Variants in MBD2 observed in about 807,000 individuals in gnomAD.
The protein encoded by MBD2 is methyl-CpG-binding domain protein 2.
Under a neutral mutation model 39.3 loss-of-function variants are expected in MBD2, and 9 were observed. That is an observed-to-expected ratio of 0.23 (90% confidence interval 0.14 to 0.40). MBD2 has a LOEUF of 0.40. Ranked by LOEUF, MBD2 falls within the 10% of genes least tolerant of loss-of-function variation. The pLI is 1.00. For missense variants in MBD2, 458 were observed against 532.6 expected, an observed-to-expected ratio of 0.86 and a Z score of 1.38; for synonymous variants, 233 against 211.1, an observed-to-expected ratio of 1.10 and a Z score of -0.90.
chr18:54,167,036 A>G (rs2086138720), intron 3 of MBD2, among the ~76,000 whole-genome samples: 1 of 152,200 alleles, frequency 6.6e-6, no homozygotes, highest in South Asian at 2.1e-4. Context: ...TAAGAGAGAC[A>G]ATGTCACTGT....
chr18:54,224,437 G>C lies in MBD2; in HGVS notation c.123C>G (p.Leu41=). The change falls in exon 1 of 7, where the codon CTC becomes CTG. Residue 41 remains leucine, a synonymous_variant. Coordinates refer to ENST00000256429, the MANE Select transcript of MBD2 (RefSeq NM_003927.5). ...AIEQGGQGSA[L]APSPVSGVRR... Reference sequence around the variant, plus strand: ...GCACGCCGCTCACCGGGGACGGGGCGAGCGCGCTGCCCTGGCCCCCCTGCT... The same window carrying C: ...GCACGCCGCTCACCGGGGACGGGGCCAGCGCGCTGCCCTGGCCCCCCTGCT... The C allele has an allele frequency of 8.1e-7, 1 of 1,242,006 alleles. No individual in the cohort carries two copies. The highest frequency in any genetic ancestry group is 1.0e-6 in the Non-Finnish European group (1 of 996,554). The allele number at this position is 1,242,006 out of a possible 1,614,324, so 76.9% of individuals were successfully genotyped here.
At chr18:54,210,864 CTATTTTTTTTTT>C (rs1014745295) in intron 1 of MBD2, among the ~76,000 whole-genome samples, 1 of 137,668 alleles carries the variant, frequency 7.3e-6, no homozygotes, top group Non-Finnish European at 1.5e-5. Context: ...CATCAACTTT[CTATTTTTTTTTT>C]TTTTTTTTTT....
At chr18:54,211,413 A>ACACACACACG (rs1431910762) in intron 1 of MBD2, among the ~76,000 whole-genome samples, 11 of 149,712 alleles carry the variant, frequency 7.3e-5, no homozygotes, top group Non-Finnish European at 1.5e-4. Flanking sequence ...ACACACACAC[A>ACACACACACG]CGCACACACG....
At chr18:54,190,126 T>C (rs1049461068) in intron 2 of MBD2, among the ~76,000 whole-genome samples, 1 of 152,208 alleles carries the variant, frequency 6.6e-6, no homozygotes, top group African/African-American at 2.4e-5. Flanking sequence ...GTACAAATGG[T>C]AGTTCTAATT....
chr18:54,179,141 G>C (rs1299810717), intron 3 of MBD2, among the ~76,000 whole-genome samples: 3 of 152,062 alleles, frequency 2.0e-5, no homozygotes, highest in Non-Finnish European at 4.4e-5. Flanking sequence ...AGTGAGCTGT[G>C]ATCACACCAT....
At chr18:54,170,966 T>C (rs1568080696) in intron 3 of MBD2, among the ~76,000 whole-genome samples, 2 of 152,136 alleles carry the variant, frequency 1.3e-5, no homozygotes, top group Admixed American at 1.3e-4. Context: ...ATTTTAAAAA[T>C]ATATTCCAAG....
At chr18:54,166,909 T>C (rs1232118191) in intron 3 of MBD2, among the ~76,000 whole-genome samples, 1 of 152,222 alleles carries the variant, frequency 6.6e-6, no homozygotes, top group Non-Finnish European at 1.5e-5. Context: ...TTATATCCTT[T>C]TCATATTTGA....
rs1452604733 is a variant in MBD2, at chr18:54,155,226, T to G, written c.*98A>C. On this transcript the variant is annotated 3_prime_UTR_variant, in exon 7 of 7. Coordinates refer to ENST00000256429, the MANE Select transcript of MBD2 (RefSeq NM_003927.5). ...AAAAGCTCTATGTGCTCGGGTACAT[T>G]TTTTTTCTTACAGGCAAAAGCCAGT... The G allele has an allele frequency of 6.6e-6, 1 of 152,188 alleles. No individual in the cohort carries two copies. Among genetic ancestry groups the G allele is most frequent in the African/African-American group, 2.4e-5 (1 of 41,394 alleles). The allele number at this position is 152,188 out of a possible 1,614,324, so 9.4% of individuals were successfully genotyped here.
Position 54,190,216 on chromosome 18 carries a change from T to C in MBD2, c.703-1205A>G, listed in dbSNP as rs142686152. ...TAATATACAGTAGGTCTTTGAATAA[T>C]GTCGTTTTGTTCAATGTCATTTTGT... On this transcript the variant is annotated intron_variant, in intron 2 of 6. Coordinates refer to ENST00000256429, the MANE Select transcript of MBD2 (RefSeq NM_003927.5). Among the ~76,000 whole-genome samples, 1,266 of 152,266 alleles carry C rather than the reference T, an allele frequency of 8.3e-3. 15 individuals are homozygous for C. Among genetic ancestry groups the C allele is most frequent in the African/African-American group, 0.029 (1,210 of 41,542 alleles).
chr18:54,189,370 C>T (rs2086304761), intron 2 of MBD2, among the ~76,000 whole-genome samples: 1 of 147,802 alleles, frequency 6.8e-6, no homozygotes, highest in Admixed American at 6.7e-5. Flanking sequence ...ACTACAGGCG[C>T]CCGCCACCAA....
Position 54,224,001 on chromosome 18 carries a change from C to G in MBD2, c.542+17G>C, listed in dbSNP as rs1377958313. On this transcript the variant is annotated intron_variant, in intron 1 of 6. Transcript: ENST00000256429. ...CGGCCTGACCCCGCCACCCCCTCCC[C>G]GCCCCCAGGGAGGTACCTGAAGTAG... The G allele has an allele frequency of 6.3e-7, 1 of 1,590,216 alleles. No homozygotes were observed. Among genetic ancestry groups the G allele is most frequent in the African/African-American group, 1.4e-5 (1 of 73,866 alleles).
At chr18:54,221,259 C>T (rs567973862) in intron 1 of MBD2, among the ~76,000 whole-genome samples, 10 of 152,072 alleles carry the variant, frequency 6.6e-5, no homozygotes, top group African/African-American at 2.4e-4. Context: ...AGATCGAGAC[C>T]ATCCTGGCTA....
chr18:54,199,189 T>G (rs1350137691), intron 2 of MBD2, among the ~76,000 whole-genome samples: 4 of 152,208 alleles, frequency 2.6e-5, no homozygotes, highest in African/African-American at 4.8e-5. Flanking sequence ...AGTCTCTCAT[T>G]TCCCAGAAAC....
intron 1 of MBD2, chr18:54,222,382 C>G (rs749286043): frequency 3.9e-6 from 2 of 518,256 alleles, no homozygotes. Flanking sequence ...CCTGGCCCCA[C>G]AGCCTGAGGG....
chr18:54,212,915 C>T (rs3017296), intron 1 of MBD2, among the ~76,000 whole-genome samples: 5,761 of 151,450 alleles, frequency 0.038, 352 homozygotes, highest in African/African-American at 0.13. Flanking sequence ...GCCTGTAGTC[C>T]CAGCTACTCA....
intron 1 of MBD2, among the ~76,000 whole-genome samples, chr18:54,214,731 CTTTTAGAATTCTTTT>C (rs2086541674): frequency 1.6e-5 from 1 of 63,180 alleles, no homozygotes; most frequent in Non-Finnish European, 3.5e-5. Context: ...AGGTAGAATT[CTTTTAGAATTCTTTT>C]TTTTTTTTTT....
intron 3 of MBD2, among the ~76,000 whole-genome samples, chr18:54,180,890 A>ATTTTTTTTTTTTTTTTTTTT (rs1568083459): frequency 2.6e-5 from 3 of 114,564 alleles, no homozygotes; most frequent in African/African-American, 1.1e-4. Flanking sequence ...GTATTCCTTA[A>ATTTTTTTTTTTTTTTTTTTT]TTTTTTCTTT....
chr18:54,222,394 G>C (rs1195571360), intron 1 of MBD2: 1 of 514,168 alleles, frequency 1.9e-6, no homozygotes, highest in South Asian at 1.4e-5. Flanking sequence ...GCCTGAGGGA[G>C]GACCTGTGAA....
chr18:54,179,003 G>A (rs1217801228), intron 3 of MBD2, among the ~76,000 whole-genome samples: 2 of 152,106 alleles, frequency 1.3e-5, no homozygotes, highest in African/African-American at 4.8e-5. Flanking sequence ...AACATAGTGA[G>A]ACCCCATCCC....
Sources: gnomAD v4.1 joint callset for allele counts (sites outside exome capture counted in the v4.1 genomes callset) on GRCh38, gnomAD v4.1.1 for gene constraint, MANE v1.5 for transcripts, NCBI Gene and HGNC (gene_info 2026-07-23, HGNC 2026-07-21) for gene names.